The following PALM variants were observed in gnomAD, a reference collection of about 807,000 sequenced individuals.
PALM encodes the protein paralemmin.
A neutral mutation model predicts 30.7 loss-of-function variants in PALM; 18 were observed. The ratio of observed to expected loss-of-function variants is 0.59; its 90% confidence interval spans 0.41 to 0.87. The LOEUF is 0.87. Ranked by LOEUF, PALM falls within the 40% of genes least tolerant of loss-of-function variation. PALM has a pLI of 0.00. For missense variants in PALM, 529 were observed against 555.4 expected (o/e 0.95, Z 0.48); for synonymous variants, 286 against 242.8 (o/e 1.18, Z -1.66).
At chr19:710,714 C>T (rs1473440588) in intron 1 of PALM, among the ~76,000 whole-genome samples, 2 of 146,638 alleles carry the variant, frequency 1.4e-5, no homozygotes, top group Non-Finnish European at 3.0e-5. Flanking sequence ...GTGCCTCCTG[C>T]TCTGCTCCAC....
chr19:713,201 C>G (rs1258046242), intron 1 of PALM, among the ~76,000 whole-genome samples: 1 of 151,922 alleles, frequency 6.6e-6, no homozygotes, highest in Non-Finnish European at 1.5e-5. Context: ...TATCAGACAT[C>G]CTGGTGTCGG....
At chr19:741,404 C>CGGGCTGCAGGGGTGAGGGGAGAT (rs1568233352) in intron 8 of PALM, among the ~76,000 whole-genome samples, 1,485 of 98,880 alleles carry the variant, frequency 0.015, 254 homozygotes, top group African/African-American at 0.025. Context: ...TGAGGGGAGA[C>CGGGCTGCAGGGGTGAGGGGAGAT]GGGCTGCAGG....
At position 739,612 on chromosome 19, in the gene PALM, T is replaced by C. The variant is rs181610196; in HGVS notation, c.503-740T>C. Among the ~76,000 whole-genome samples, 101 of 151,008 alleles carry C rather than the reference T, an allele frequency of 6.7e-4. No homozygotes were observed. In the Middle Eastern group the frequency reaches 0.01, roughly 15 times the overall value. On this transcript the variant is annotated intron_variant, in intron 7 of 8. Coordinates refer to ENST00000338448, the MANE Select transcript of PALM (RefSeq NM_002579.3). Reference sequence around the variant, plus strand: ...GGGAGAATGGGGTGAGCCAGGAAGGTCATGACTGCAGTGAGCTGTGATCGT... The same window carrying C: ...GGGAGAATGGGGTGAGCCAGGAAGGCCATGACTGCAGTGAGCTGTGATCGT...
At chr19:737,578 G>GT (rs1163657465) in intron 7 of PALM, among the ~76,000 whole-genome samples, 1 of 152,122 alleles carries the variant, frequency 6.6e-6, no homozygotes, top group African/African-American at 2.4e-5. Context: ...AGCGTTCAAC[G>GT]TAAGAGGTGA....
At chr19:712,351 C>T (rs11672187) in intron 1 of PALM, among the ~76,000 whole-genome samples, 48,344 of 151,588 alleles carry the variant, frequency 0.32, 8,032 homozygotes, top group East Asian at 0.42. Flanking sequence ...GGCCCTGTTC[C>T]GAATGCTTTA....
At chr19:737,769 C>T (rs1317008329) in intron 7 of PALM, among the ~76,000 whole-genome samples, 1 of 151,994 alleles carries the variant, frequency 6.6e-6, no homozygotes, top group African/African-American at 2.4e-5. Flanking sequence ...ATCCGTGTGG[C>T]TGGAGCAGCG....
rs975542682 is a variant in PALM, at chr19:748,000, T to C, written c.*1186T>C. The C allele has an allele frequency of 1.3e-5, 2 of 152,620 alleles. No homozygotes were observed. Among genetic ancestry groups the C allele is most frequent in the African/African-American group, 4.8e-5 (2 of 41,466 alleles). 9.5% of individuals were successfully genotyped at this position (152,620 alleles called of 1,614,324 possible). On this transcript the variant is annotated 3_prime_UTR_variant, in exon 9 of 9. Transcript: ENST00000338448. ...CAACTTGGTCCCTGCCCTAGGGACCTCCAGCCTGGTGCCCAGTGCTCAGGC... is the reference window on the plus strand; with the variant it reads ...CAACTTGGTCCCTGCCCTAGGGACCCCCAGCCTGGTGCCCAGTGCTCAGGC...
chr19:709,651 A>G lies in PALM; in HGVS notation c.5+500A>G, dbSNP rs1203447479. Among the ~76,000 whole-genome samples the G allele has an allele frequency of 1.3e-5, 2 of 151,670 alleles. No homozygotes were observed. The highest frequency in any genetic ancestry group is 2.9e-5 in the Non-Finnish European group (2 of 67,836). On this transcript the variant is annotated intron_variant, in intron 1 of 8. Coordinates refer to ENST00000338448, the MANE Select transcript of PALM (RefSeq NM_002579.3). The surrounding 1 kb of genome is among the most constrained non-coding windows in gnomAD (Gnocchi z 4.3). ...GTGCCCCCCACCCCCGCCCTTCCCA[A>G]GGGCCTCCAGGGGTGTCCTGAGCCC...
In PALM at chr19:746,789, G is replaced by T. The variant is rs538060937; in HGVS notation, c.1139G>T (p.Arg380Leu). Residue 380 changes from arginine (R) to leucine (L), a missense_variant, in exon 9 of 9, where the codon CGT becomes CTT. Arg to Leu is a moderately radical substitution (Grantham distance 102). Transcript: ENST00000338448. The surrounding 1 kb of genome is among the most constrained non-coding windows in gnomAD (Gnocchi z 7.1). ...CAGGACCTCGACATGAAGAAGCACC[G>T]TTGTAAATGCTGCTCCATCATGTGA... ...DPQDLDMKKH[R>L]CKCCSIM 9 of 1,568,994 alleles carry T rather than the reference G, an allele frequency of 5.7e-6. No homozygotes were observed. The highest frequency in any genetic ancestry group is 7.7e-6 in the Non-Finnish European group (9 of 1,163,878).
chr19:711,030 C>G (rs1046978670), intron 1 of PALM, among the ~76,000 whole-genome samples: 2 of 152,260 alleles, frequency 1.3e-5, no homozygotes, highest in African/African-American at 4.8e-5. Flanking sequence ...GTCGAAGACA[C>G]GGGAGCTGGC....
In PALM at chr19:727,048, G is replaced by A. The variant is rs1307735939; in HGVS notation, c.98G>A (p.Arg33Gln). 29 of 1,301,486 alleles carry A rather than the reference G, an allele frequency of 2.2e-5. No individual in the cohort carries two copies. Among genetic ancestry groups the A allele is most frequent in the African/African-American group, 7.9e-5 (5 of 63,558 alleles). The allele number at this position is 1,301,486 out of a possible 1,614,324, so 80.6% of individuals were successfully genotyped here. A position where few individuals can be genotyped will look rare whatever the true frequency, so the allele number is the denominator to read the frequency against. Reference protein sequence around the residue: ...KRQAEIENKRRQLEDERRQLQ... With the variant: ...KRQAEIENKRQQLEDERRQLQ... ...CAGGCGGAGATCGAGAACAAGCGCC[G>A]GCAGCTGGAGGACGAGCGGAGGCAG... The change falls in exon 3 of 9, where the codon CGG becomes CAG. Residue 33 changes from arginine to glutamine, a missense_variant. Transcript: ENST00000338448.
chr19:710,139 A>C (rs2032024288), intron 1 of PALM, among the ~76,000 whole-genome samples: 1 of 152,020 alleles, frequency 6.6e-6, no homozygotes, highest in Non-Finnish European at 1.5e-5. Flanking sequence ...CCGAGGACCG[A>C]AGACCGGATC....
In PALM at chr19:746,254, T is replaced by C. The variant is rs765438446; in HGVS notation, c.635-31T>C. ...TCTCTCTGTCCCTCCTGCCTGGAGC[T>C]GGGTCATTCTCTCTGTCTCTCCTTG... is the stretch of plus-strand genomic sequence containing the variant. On this transcript the variant is annotated intron_variant, in intron 8 of 8. Coordinates refer to ENST00000338448, the MANE Select transcript of PALM (RefSeq NM_002579.3). This position sits in a 1 kb window ranked among gnomAD's most constrained non-coding sequence, Gnocchi z 7.1. The C allele has an allele frequency of 5.0e-6, 8 of 1,594,198 alleles. No individual in the cohort carries two copies. In the African/African-American group the frequency reaches 6.7e-5, roughly 13 times the overall value.
chr19:722,153 C>T (rs1035706792), intron 1 of PALM, among the ~76,000 whole-genome samples: 2 of 145,522 alleles, frequency 1.4e-5, no homozygotes, highest in African/African-American at 5.1e-5. Context: ...CTCCTGACCT[C>T]GTGATCCGCC....
intron 1 of PALM, among the ~76,000 whole-genome samples, chr19:710,652 C>G (rs2032045067): frequency 6.9e-5 from 5 of 71,972 alleles, no homozygotes; most frequent in Admixed American, 6.4e-4. Flanking sequence ...GGAGCTGCTG[C>G]CCCCCCCCCA....
At chr19:724,617 G>A (rs12151077) in intron 1 of PALM, among the ~76,000 whole-genome samples, 4,028 of 147,424 alleles carry the variant, frequency 0.027, 76 homozygotes, top group East Asian at 0.064. Context: ...CACTGCGCCC[G>A]GCCATTCATT....
At chr19:730,297 G>T (rs1009690) in intron 4 of PALM, among the ~76,000 whole-genome samples, 1 of 151,660 alleles carries the variant, frequency 6.6e-6, no homozygotes, top group Non-Finnish European at 1.5e-5. Flanking sequence ...TTAGACTTAC[G>T]CACTCAGCCC....
At chr19:727,420 T>G in intron 3 of PALM, 144 bp from the exon 4 acceptor site, 1 of 670,748 alleles carries the variant, frequency 1.5e-6, no homozygotes, top group Non-Finnish European at 2.6e-6. Flanking sequence ...GATTCTGACC[T>G]CAGCACTGAT....
chr19:711,781 G>A (rs1176388476), intron 1 of PALM, among the ~76,000 whole-genome samples: 1 of 152,272 alleles, frequency 6.6e-6, no homozygotes, highest in East Asian at 1.9e-4. Flanking sequence ...CTGTCCAGGA[G>A]GTGGCGGAAC....
Sources: allele counts gnomAD v4.1 joint callset (sites outside exome capture counted in the v4.1 genomes callset), GRCh38; gene constraint gnomAD v4.1.1; non-coding constraint Gnocchi (gnomAD v3.1); transcripts MANE v1.5; gene names NCBI Gene and HGNC (gene_info 2026-07-23, HGNC 2026-07-21).